The following FXYD5 variants were observed in gnomAD, a reference collection of about 807,000 sequenced individuals.
FXYD5 encodes the protein FXYD domain-containing ion transport regulator 5.
FXYD5 carries 21 observed loss-of-function variants against 25.7 expected under a neutral mutation model. That is an observed-to-expected ratio of 0.82 (90% CI 0.58 to 1.18). The LOEUF is 1.18. Ranked by LOEUF, FXYD5 falls within the 50% of genes most tolerant of loss-of-function variation. The probability of loss-of-function intolerance (pLI) is 0.00; values close to 1 mark genes in which losing one functional copy is unlikely to be tolerated. For synonymous variants in FXYD5, 101 were observed against 90.7 expected (o/e 1.11, Z -0.64); for missense variants, 229 against 227.7 (o/e 1.01, Z -0.04).
Position 35,157,362 on chromosome 19 carries a change from G to A in FXYD5, c.62-59G>A. Reference sequence around the variant, plus strand: ...AGGTTTCACCAGGGAGGCGAGGGCGGGGGTGGTGAGAGGAGGGGGACCAGG... The same window carrying A: ...AGGTTTCACCAGGGAGGCGAGGGCGAGGGTGGTGAGAGGAGGGGGACCAGG... On this transcript the variant is annotated intron_variant, in intron 2 of 8. Transcript: ENST00000392219. 8 of 869,228 alleles carry A rather than the reference G, an allele frequency of 9.2e-6. No homozygotes were observed. The South Asian group carries it at 9.4e-5, about 10-fold the overall frequency. 53.8% of individuals were successfully genotyped at this position (869,228 alleles called of 1,614,324 possible). A position where few individuals can be genotyped will look rare whatever the true frequency, so the allele number is the denominator to read the frequency against.
chr19:35,159,499 G>GC (rs2065386038), intron 4 of FXYD5: 4 of 1,549,700 alleles, frequency 2.6e-6, no homozygotes, highest in Non-Finnish European at 3.5e-6. Flanking sequence ...TTTCTCTCCT[G>GC]CCTGGTATTC....
At chr19:35,166,019 G>A in intron 6 of FXYD5, 123 bp from the exon 7 acceptor site, 1 of 843,314 alleles carries the variant, frequency 1.2e-6, no homozygotes, top group Non-Finnish European at 2.1e-6. Context: ...TGTGTGCCAT[G>A]GTGAAGATTT....
chr19:35,161,797 GTGT>G (rs2065408548), intron 5 of FXYD5, among the ~76,000 whole-genome samples: 1 of 152,222 alleles, frequency 6.6e-6, no homozygotes, highest in African/African-American at 2.4e-5. Flanking sequence ...ACACTGGAAA[GTGT>G]TGTAGAGTAG....
At chr19:35,164,007 G>A (rs1044419594) in intron 5 of FXYD5, 149 bp from the exon 6 acceptor site, 9 of 1,507,476 alleles carry the variant, frequency 6.0e-6, no homozygotes, top group African/African-American at 5.6e-5. Context: ...ATTGCCTCTA[G>A]GTGTGGAGTA....
chr19:35,159,441 GTA>G (rs1395280543), intron 4 of FXYD5: 5 of 1,526,144 alleles, frequency 3.3e-6, no homozygotes, highest in African/African-American at 1.4e-5. Context: ...TCGTGCAGTC[GTA>G]TGTTTGGAAG....
At chr19:35,157,360 C>CG in intron 2 of FXYD5, 61 bp from the exon 3 acceptor site, 1 of 815,766 alleles carries the variant, frequency 1.2e-6, no homozygotes, top group Non-Finnish European at 2.1e-6. Flanking sequence ...GAGGCGAGGG[C>CG]GGGGGTGGTG....
chr19:35,156,566 T>C (rs1176621005), intron 2 of FXYD5, among the ~76,000 whole-genome samples: 2 of 152,020 alleles, frequency 1.3e-5, no homozygotes, highest in Non-Finnish European at 2.9e-5. Flanking sequence ...CAACAAACAC[T>C]TGGAGGAAAT....
rs1225218607 is a variant in FXYD5 at position 35,169,730 on chromosome 19, A to G, written c.*115A>G. On this transcript the variant is annotated 3_prime_UTR_variant, in exon 9 of 9. Transcript: ENST00000392219. ...CGAAGAGCCTGGCCAGAGAGGGAAG[A>G]CACAGATGATGAAGCTGGAGCCAGG... 1.8e-5 allele frequency: 13 copies of G among 721,748 alleles called. No homozygotes were observed. The Admixed American group carries it at 2.5e-4, about 14-fold the overall frequency. The allele number at this position is 721,748 out of a possible 1,614,324, so 44.7% of individuals were successfully genotyped here. A position where few individuals can be genotyped will look rare whatever the true frequency, so the allele number is the denominator to read the frequency against.
At chr19:35,155,991 G>A (rs900508988) in intron 2 of FXYD5, among the ~76,000 whole-genome samples, 2 of 152,248 alleles carry the variant, frequency 1.3e-5, no homozygotes, top group African/African-American at 4.8e-5. Context: ...TTGAGCTGGG[G>A]TTAGTCCAAA....
chr19:35,162,814 G>A (rs2065417777), intron 5 of FXYD5, among the ~76,000 whole-genome samples: 1 of 152,184 alleles, frequency 6.6e-6, no homozygotes, highest in Admixed American at 6.5e-5. Context: ...TGTAGCCTGG[G>A]TTATAACTGG....
chr19:35,159,348 T>G (rs1466618161), intron 4 of FXYD5, among the ~76,000 whole-genome samples: 1 of 152,236 alleles, frequency 6.6e-6, no homozygotes, highest in Non-Finnish European at 1.5e-5. Context: ...TGTATATTAC[T>G]TGGAGAAAAT....
rs770333592 is a variant in FXYD5, at chr19:35,157,401, T to G, written c.62-20T>G. On this transcript the variant is annotated intron_variant, in intron 2 of 8. Coordinates refer to ENST00000392219, the MANE Select transcript of FXYD5 (RefSeq NM_014164.6). Reference sequence around the variant, plus strand: ...AGGGGGACCAGGCTCCCTCCTGACTTCTCATCCTTGATTCCCCAGGACAGA... The same window carrying G: ...AGGGGGACCAGGCTCCCTCCTGACTGCTCATCCTTGATTCCCCAGGACAGA... 6.9e-7 allele frequency: 1 copy of G among 1,447,422 alleles called. No homozygotes were observed. The highest frequency in any genetic ancestry group is 9.7e-7 in the Non-Finnish European group (1 of 1,029,152). 89.7% of individuals were successfully genotyped at this position (1,447,422 alleles called of 1,614,324 possible).
At chr19:35,166,796 AG>A (rs1411072527) in intron 8 of FXYD5, 1 of 169,164 alleles carries the variant, frequency 5.9e-6, no homozygotes, top group Non-Finnish European at 1.3e-5. Context: ...GTTTCATTCA[AG>A]GAAATAGACT....
At chr19:35,155,968 T>C (rs1341387671) in intron 2 of FXYD5, among the ~76,000 whole-genome samples, 1 of 152,232 alleles carries the variant, frequency 6.6e-6, no homozygotes, top group Non-Finnish European at 1.5e-5. Flanking sequence ...CATTACACAG[T>C]TAGGCAAAGC....
intron 4 of FXYD5, 73 bp from the exon 5 acceptor site, chr19:35,160,636 G>A (rs545347401): frequency 3.5e-5 from 36 of 1,034,042 alleles, no homozygotes; most frequent in Non-Finnish European, 5.5e-5. Flanking sequence ...ATAAGCCACC[G>A]CGCCCGGCCC....
chr19:35,167,982 G>T (rs1034599906), intron 8 of FXYD5, among the ~76,000 whole-genome samples: 2 of 152,094 alleles, frequency 1.3e-5, no homozygotes, highest in Non-Finnish European at 2.9e-5. Context: ...ACTTTGGGAG[G>T]CCAAGGTGGG....
At chr19:35,161,665 G>A (rs1485093600) in intron 5 of FXYD5, among the ~76,000 whole-genome samples, 3 of 152,242 alleles carry the variant, frequency 2.0e-5, no homozygotes, top group Non-Finnish European at 4.4e-5. Flanking sequence ...GGGAAGAGGG[G>A]ATTTTCCTTT....
At chr19:35,160,222 AG>A (rs1469919418) in intron 4 of FXYD5, among the ~76,000 whole-genome samples, 1 of 152,224 alleles carries the variant, frequency 6.6e-6, no homozygotes, top group Non-Finnish European at 1.5e-5. Flanking sequence ...AATAAATAAA[AG>A]TAAAAATAAA....
intron 4 of FXYD5, among the ~76,000 whole-genome samples, chr19:35,159,293 C>G (rs539804239): frequency 6.6e-6 from 1 of 152,288 alleles, no homozygotes; most frequent in Admixed American, 6.5e-5. Flanking sequence ...CTGAGAGGTC[C>G]CCACTGTCAG....
Sources: gnomAD v4.1 joint callset for allele counts (sites outside exome capture counted in the v4.1 genomes callset) on GRCh38, gnomAD v4.1.1 for gene constraint, MANE v1.5 for transcripts, NCBI Gene and HGNC (gene_info 2026-07-23, HGNC 2026-07-21) for gene names.